The following ZMYM2 variants were observed in gnomAD, a reference collection of about 807,000 sequenced individuals.
ZMYM2 encodes the protein zinc finger MYM-type containing 2.
A neutral mutation model predicts 162.8 loss-of-function variants in ZMYM2; 56 were observed. The observed-to-expected ratio is 0.34, with a 90% CI of 0.28 to 0.43. ZMYM2 has a LOEUF of 0.43. Ranked by LOEUF, ZMYM2 falls within the 20% of genes least tolerant of loss-of-function variation. ZMYM2 has a pLI of 1.00. For synonymous variants in ZMYM2, 510 were observed against 541.6 expected (o/e 0.94, Z 0.81); for missense variants, 1,275 against 1,621.8 (o/e 0.79, Z 3.67).
chr13:19,871,285 G>GA, the ZMYM2 span, among the ~76,000 whole-genome samples: 27 of 151,894 alleles, frequency 1.8e-4, no homozygotes, highest in Non-Finnish European at 3.2e-4. Flanking sequence ...TTAAGCAAAA[G>GA]AAAGTGAAAC....
chr13:20,010,975 T>C (rs867100997), intron 6 of ZMYM2, among the ~76,000 whole-genome samples: 25 of 152,042 alleles, frequency 1.6e-4, no homozygotes, highest in Admixed American at 3.9e-4. Context: ...TACTTGTATA[T>C]ACGTAGGGGA....
At chr13:20,034,030 C>T (rs1321805256) in intron 10 of ZMYM2, among the ~76,000 whole-genome samples, 1 of 152,054 alleles carries the variant, frequency 6.6e-6, no homozygotes, top group Non-Finnish European at 1.5e-5. Flanking sequence ...CTTTTACTTC[C>T]ATTAAGTAAT....
rs1213485224 is a variant in ZMYM2 at position 20,089,069 on chromosome 13, A to G, written c.*3055A>G. Reference sequence around the variant, plus strand: ...CTTGTTCCCCTCAAAATAGTCATGAAAGTGTACATGAAAATATTTTTAAAG... The same window carrying G: ...CTTGTTCCCCTCAAAATAGTCATGAGAGTGTACATGAAAATATTTTTAAAG... On this transcript the variant is annotated 3_prime_UTR_variant, in exon 25 of 25. Transcript: ENST00000610343. 1.0e-5 allele frequency: 2 copies of G among 197,774 alleles called. No homozygotes were observed. The highest frequency in any genetic ancestry group is 2.1e-5 in the Non-Finnish European group (2 of 95,406). 12.3% of individuals were successfully genotyped at this position (197,774 alleles called of 1,614,324 possible).
At position 20,088,417 on chromosome 13, in the gene ZMYM2, T is replaced by A. The variant is rs78022149; in HGVS notation, c.*2403T>A. On this transcript the variant is annotated 3_prime_UTR_variant, in exon 25 of 25. Coordinates refer to ENST00000610343, the MANE Select transcript of ZMYM2 (RefSeq NM_197968.4). ...GCATCCTGTAAATATAACTTTATTGTCTTGAAATGTTTATTGAAGATGCTA... is the reference window on the plus strand; with the variant it reads ...GCATCCTGTAAATATAACTTTATTGACTTGAAATGTTTATTGAAGATGCTA... 1.1e-3 allele frequency: 213 copies of A among 201,294 alleles called. 1 individual carries two copies. The East Asian group carries it at 0.016, about 15-fold the overall frequency. The allele number at this position is 201,294 out of a possible 1,614,324, so 12.5% of individuals were successfully genotyped here.
At position 20,031,387 on chromosome 13, in the gene ZMYM2, C is replaced by A; in HGVS notation, c.1920C>A (p.Asn640Lys). The A allele has an allele frequency of 6.2e-7, 1 of 1,606,398 alleles. No individual in the cohort carries two copies. The highest frequency in any genetic ancestry group is 1.7e-5 in the Admixed American group (1 of 57,546). ...VAPSDIQLKC[N>K]YCKNSFCSKP... is the part of the protein sequence containing the mutation. ...CAAGTGATATTCAGTTGAAATGCAA[C>A]TACTGCAAAAATTCCTTTTGTTCAA... is the stretch of plus-strand genomic sequence containing the variant. Residue 640 changes from asparagine (N) to lysine (K), a missense_variant, in exon 10 of 25, where the codon AAC becomes AAA. Coordinates refer to ENST00000610343, the MANE Select transcript of ZMYM2 (RefSeq NM_197968.4).
intron 2 of ZMYM2, chr13:19,965,260 T>A: frequency 2.3e-6 from 3 of 1,300,100 alleles, no homozygotes; most frequent in Non-Finnish European, 3.0e-6. Context: ...GTCACCTGGA[T>A]ACCATCTCTG....
chr13:19,906,585 G>A, the ZMYM2 span, among the ~76,000 whole-genome samples: 1 of 150,468 alleles, frequency 6.6e-6, no homozygotes, highest in African/African-American at 2.4e-5. Flanking sequence ...ATTAAGATCT[G>A]TCTAAGAAAT....
intron 2 of ZMYM2, among the ~76,000 whole-genome samples, chr13:19,964,912 G>A (rs1955602627): frequency 6.6e-6 from 1 of 152,236 alleles, no homozygotes; most frequent in South Asian, 2.1e-4. Context: ...ATATGCAAAT[G>A]TTGGGAAAGA....
intron 6 of ZMYM2, among the ~76,000 whole-genome samples, chr13:20,012,620 G>A (rs1951298522): frequency 6.6e-6 from 1 of 152,106 alleles, no homozygotes; most frequent in South Asian, 2.1e-4. Flanking sequence ...CTCTTAATTA[G>A]GTATTTGATC....
chr13:19,884,305 G>A, the ZMYM2 span, among the ~76,000 whole-genome samples: 1 of 152,106 alleles, frequency 6.6e-6, no homozygotes, highest in Non-Finnish European at 1.5e-5. Context: ...GGGGTGCTGT[G>A]GCTGCCGCTT....
At chr13:19,971,267 T>A (rs1377214282) in intron 2 of ZMYM2, among the ~76,000 whole-genome samples, 1,726 of 94,270 alleles carry the variant, frequency 0.018, 21 homozygotes, top group African/African-American at 0.033. Flanking sequence ...TATATATTTT[T>A]TTTTTTTTTT....
the ZMYM2 span, among the ~76,000 whole-genome samples, chr13:19,937,787 C>T: frequency 9.5e-6 from 1 of 104,818 alleles, no homozygotes; most frequent in South Asian, 3.9e-4. Flanking sequence ...ATCCCTCCCC[C>T]CGCCCCCCAC....
At chr13:20,060,941 C>A in intron 16 of ZMYM2, 112 bp from the exon 17 acceptor site, 1 of 1,041,974 alleles carries the variant, frequency 9.6e-7, no homozygotes, top group Non-Finnish European at 1.4e-6. Context: ...CTTTTCAAAG[C>A]TTTTATCCAG....
At chr13:20,066,198 A>G (rs9509022) in intron 19 of ZMYM2, among the ~76,000 whole-genome samples, 4,173 of 152,330 alleles carry the variant, frequency 0.027, 123 homozygotes, top group East Asian at 0.13. Flanking sequence ...ACAAATAACT[A>G]TATTTTTATG....
In ZMYM2 at chr13:20,027,334, T is replaced by C. The variant is rs1184653277; in HGVS notation, c.1851+16T>C. 1.3e-6 allele frequency: 2 copies of C among 1,528,646 alleles called. No individual in the cohort carries two copies. Among genetic ancestry groups the C allele is most frequent in the Admixed American group, 3.9e-5 (2 of 50,926 alleles). The allele number at this position is 1,528,646 out of a possible 1,614,324, so 94.7% of individuals were successfully genotyped here. On this transcript the variant is annotated intron_variant, in intron 9 of 24. Coordinates refer to ENST00000610343, the MANE Select transcript of ZMYM2 (RefSeq NM_197968.4). ...TAAATTTCAGGTTTGTCGTTTATTT[T>C]GCATAACCCATGCCCCCAATAAAAT... is the stretch of plus-strand genomic sequence containing the variant.
At position 20,021,839 on chromosome 13, in the gene ZMYM2, A is replaced by T. The variant is rs1594409582; in HGVS notation, c.1584+2221A>T. On this transcript the variant is annotated intron_variant, in intron 7 of 24. Coordinates refer to ENST00000610343, the MANE Select transcript of ZMYM2 (RefSeq NM_197968.4). ...TGTAGATGTAGTTTTAAGATCACAG[A>T]TCAGTTTTCAGCCAAAATACGTCGG... Among the ~76,000 whole-genome samples, 4 of 152,300 alleles carry T rather than the reference A, an allele frequency of 2.6e-5. No homozygotes were observed. In the South Asian group the frequency reaches 8.3e-4, roughly 32 times the overall value.
intron 22 of ZMYM2, 97 bp downstream of exon 22, chr13:20,082,227 T>A: frequency 1.1e-6 from 1 of 920,464 alleles, no homozygotes; most frequent in Non-Finnish European, 1.6e-6. Flanking sequence ...TCACTTAAAT[T>A]AGATAACATT....
intron 14 of ZMYM2, among the ~76,000 whole-genome samples, chr13:20,055,375 GC>G (rs1955709264): frequency 1.3e-5 from 2 of 152,150 alleles, no homozygotes; most frequent in South Asian, 4.1e-4. Flanking sequence ...GTAGAACAAA[GC>G]AATGCTGTGC....
the ZMYM2 span, among the ~76,000 whole-genome samples, chr13:19,880,816 C>T: frequency 1.3e-4 from 20 of 152,124 alleles, no homozygotes; most frequent in Non-Finnish European, 2.9e-5. Context: ...ACTTTTCGTC[C>T]GGCTTCTTTG....
Sources: allele counts gnomAD v4.1 joint callset (sites outside exome capture counted in the v4.1 genomes callset), GRCh38; gene constraint gnomAD v4.1.1; transcripts MANE v1.5; gene names NCBI Gene and HGNC (gene_info 2026-07-23, HGNC 2026-07-21).